CDH13: variants seen among roughly 807,000 people sequenced by gnomAD.
The protein encoded by CDH13 is cadherin-13.
CDH13 carries 24 observed loss-of-function variants against 63.8 expected under a neutral mutation model. The ratio of observed to expected loss-of-function variants is 0.38; its 90% CI spans 0.27 to 0.53. The LOEUF is 0.53. CDH13 is among the 20% of genes least tolerant of loss of function. CDH13 has a pLI of 0.85. For synonymous variants in CDH13, 503 were observed against 355.3 expected, an observed-to-expected ratio of 1.42 and a Z score of -4.67; for missense variants, 1,049 against 903.1, an observed-to-expected ratio of 1.16 and a Z score of -2.07.
At chr16:82,681,084 A>C (rs1194945525) in intron 1 of CDH13, among the ~76,000 whole-genome samples, 1 of 152,238 alleles carries the variant, frequency 6.6e-6, no homozygotes, top group African/African-American at 2.4e-5. Flanking sequence ...CTTGCCCAGC[A>C]CTATCAGCAA....
At chr16:83,219,568 C>T (rs1178705870) in intron 5 of CDH13, among the ~76,000 whole-genome samples, 1 of 152,136 alleles carries the variant, frequency 6.6e-6, no homozygotes, top group African/African-American at 2.4e-5. Flanking sequence ...TATAATCTTC[C>T]TACATGGGTG....
chr16:83,479,290 T>G lies in CDH13; in HGVS notation c.782-7187T>G, dbSNP rs140580153. 1.3e-3 allele frequency among the ~76,000 whole-genome samples: 203 copies of G among 152,332 alleles called. 4 individuals carry two copies. The South Asian group carries it at 0.039, about 29-fold the overall frequency. On this transcript the variant is annotated intron_variant, in intron 6 of 13. Coordinates refer to ENST00000567109, the MANE Select transcript of CDH13 (RefSeq NM_001257.5). ...CCCTAAGTGGTTGGGTCCCACAAGC[T>G]ATTTCCCTCGTCATGATTGCACTCA... is the stretch of plus-strand genomic sequence containing the variant.
intron 3 of CDH13, among the ~76,000 whole-genome samples, chr16:83,035,232 G>A (rs1916742659): frequency 6.6e-6 from 1 of 152,336 alleles, no homozygotes; most frequent in South Asian, 2.1e-4. Flanking sequence ...CCAGCTGCTA[G>A]AGAAGAAAAT....
At chr16:83,680,139 C>G (rs781567262) in intron 10 of CDH13, among the ~76,000 whole-genome samples, 13 of 152,218 alleles carry the variant, frequency 8.5e-5, no homozygotes, top group Non-Finnish European at 1.5e-4. Context: ...GCTAGGGCAT[C>G]CTTCAGGCTC....
chr16:83,686,564 T>C (rs1391206024), intron 10 of CDH13, among the ~76,000 whole-genome samples: 1 of 152,340 alleles, frequency 6.6e-6, no homozygotes, highest in South Asian at 2.1e-4. Context: ...GTCTTTACAT[T>C]TGCAAACTAT....
intron 1 of CDH13, among the ~76,000 whole-genome samples, chr16:82,735,152 G>T (rs1224889267): frequency 1.3e-5 from 2 of 152,130 alleles, no homozygotes; most frequent in Admixed American, 1.3e-4. Context: ...CAAGCCAAGG[G>T]GAAAGGCTTC....
intron 1 of CDH13, among the ~76,000 whole-genome samples, chr16:82,757,706 C>T (rs557492946): frequency 2.3e-5 from 3 of 129,196 alleles, no homozygotes; most frequent in South Asian, 5.4e-4. Context: ...CGCAGTGGTG[C>T]GATCTTGGTT....
intron 6 of CDH13, among the ~76,000 whole-genome samples, chr16:83,382,153 G>T (rs2091579684): frequency 6.6e-6 from 1 of 152,122 alleles, no homozygotes; most frequent in Non-Finnish European, 1.5e-5. Context: ...ATAGTAGAAG[G>T]ATACTAATTC....
At chr16:83,548,748 A>C (rs2075435219) in intron 7 of CDH13, among the ~76,000 whole-genome samples, 2 of 152,118 alleles carry the variant, frequency 1.3e-5, no homozygotes, top group South Asian at 2.1e-4. Context: ...CTGTTAATGA[A>C]GTTTCCAGCC....
chr16:83,135,215 G>A (rs1009290927), intron 4 of CDH13, among the ~76,000 whole-genome samples: 12 of 152,162 alleles, frequency 7.9e-5, no homozygotes, highest in African/African-American at 2.9e-4. Flanking sequence ...ATGAGAAAGT[G>A]GAAATTAAGA....
At chr16:82,755,260 A>G (rs368767952) in intron 1 of CDH13, among the ~76,000 whole-genome samples, 3 of 152,182 alleles carry the variant, frequency 2.0e-5, no homozygotes, top group Non-Finnish European at 1.5e-5. Flanking sequence ...TGAGATATGC[A>G]TTCTGTCCCA....
At chr16:82,746,193 G>GTGTTTATATATAAACACAC (rs975034118) in intron 1 of CDH13, among the ~76,000 whole-genome samples, 7 of 93,572 alleles carry the variant, frequency 7.5e-5, no homozygotes, top group African/African-American at 2.2e-4. Flanking sequence ...TGGTGTGTGT[G>GTGTTTATATATAAACACAC]TGTTTATATA....
intron 5 of CDH13, among the ~76,000 whole-genome samples, chr16:83,331,125 AGGGACGGACTTG>A (rs2090471910): frequency 2.0e-5 from 3 of 152,208 alleles, no homozygotes; most frequent in South Asian, 2.1e-4. Context: ...ACAGCTGATA[AGGGACGGACTTG>A]GGCCTTAAAG....
chr16:83,250,613 C>G (rs887660626), intron 5 of CDH13, among the ~76,000 whole-genome samples: 1 of 152,076 alleles, frequency 6.6e-6, no homozygotes, highest in African/African-American at 2.4e-5. Flanking sequence ...CTCCAGCAAC[C>G]TTGGAGTAAT....
At chr16:82,691,761 T>G (rs1915668363) in intron 1 of CDH13, among the ~76,000 whole-genome samples, 1 of 152,142 alleles carries the variant, frequency 6.6e-6, no homozygotes, top group Admixed American at 6.6e-5. Flanking sequence ...AAAGATGGTC[T>G]CCCCTCAATA....
At position 82,930,655 on chromosome 16, in the gene CDH13, CAT is replaced by C. The variant is rs143103707; in HGVS notation, c.157+72185_157+72186del. 6.8e-3 allele frequency among the ~76,000 whole-genome samples: 1,042 copies of C among 152,206 alleles called. 13 individuals carry two copies. The highest frequency in any genetic ancestry group is 0.023 in the African/African-American group (971 of 41,524). ...TTTGTAATTATTCTTAAAAAGAAAA[CAT>C]ATTAAGATGTTCTTAGGACTCTGAG... On this transcript the variant is annotated intron_variant, in intron 2 of 13. Transcript: ENST00000567109.
At chr16:82,895,649 A>G (rs1301337270) in intron 2 of CDH13, among the ~76,000 whole-genome samples, 1 of 151,620 alleles carries the variant, frequency 6.6e-6, no homozygotes, top group Non-Finnish European at 1.5e-5. Flanking sequence ...GTAGTAGATG[A>G]TGAAACAAAC....
At chr16:83,020,016 G>C (rs768146364) in intron 2 of CDH13, among the ~76,000 whole-genome samples, 70 of 152,202 alleles carry the variant, frequency 4.6e-4, no homozygotes, top group Non-Finnish European at 5.4e-4. Context: ...CATGAGTAAT[G>C]CATTGCACTC....
intron 7 of CDH13, among the ~76,000 whole-genome samples, chr16:83,504,440 A>C (rs1198813725): frequency 1.3e-5 from 2 of 152,254 alleles, no homozygotes; most frequent in Non-Finnish European, 2.9e-5. Flanking sequence ...TAATGCCACC[A>C]GAAGACACTC....
Sources: allele counts gnomAD v4.1 joint callset (sites outside exome capture counted in the v4.1 genomes callset), GRCh38; gene constraint gnomAD v4.1.1; transcripts MANE v1.5; gene names NCBI Gene and HGNC (gene_info 2026-07-23, HGNC 2026-07-21).